Variants in FAM53A observed in about 807,000 individuals in gnomAD.
FAM53A encodes protein FAM53A.
In FAM53A, 28 loss-of-function variants were observed where a neutral mutation model predicts 26.6. That is an observed-to-expected ratio of 1.05 (90% CI 0.78 to 1.45). The LOEUF is 1.45. Ranked by LOEUF, FAM53A falls within the 40% of genes most tolerant of loss-of-function variation. The pLI, the probability that FAM53A is intolerant of heterozygous loss-of-function variation, is 0.00. For synonymous variants in FAM53A, 290 were observed against 253.1 expected (o/e 1.15, Z -1.38); for missense variants, 650 against 575.8 (o/e 1.13, Z -1.32).
intron 4 of FAM53A, among the ~76,000 whole-genome samples, chr4:1,652,940 CCA>C (rs900158322): frequency 6.6e-5 from 10 of 150,384 alleles, no homozygotes; most frequent in Admixed American, 4.6e-4. Flanking sequence ...CACACCCCCA[CCA>C]CACACATACC....
the FAM53A span, among the ~76,000 whole-genome samples, chr4:1,609,846 C>T: frequency 0.13 from 19,196 of 151,892 alleles, 1,594 homozygotes; most frequent in African/African-American, 0.23. Context: ...GCCTGTAATC[C>T]CAGCTACTCG....
chr4:1,591,261 C>T, the FAM53A span, among the ~76,000 whole-genome samples: 1 of 151,954 alleles, frequency 6.6e-6, no homozygotes, highest in African/African-American at 2.4e-5. Flanking sequence ...ACCTGTGAGT[C>T]TCTACTTTCA....
chr4:1,684,122 C>G (rs1469264102), intron 1 of FAM53A, 111 bp downstream of exon 1: 1 of 151,930 alleles, frequency 6.6e-6, no homozygotes, highest in Non-Finnish European at 1.5e-5. Flanking sequence ...CGCCCACGAC[C>G]GCCCGCGCCC....
the FAM53A span, among the ~76,000 whole-genome samples, chr4:1,609,094 G>A: frequency 2.6e-5 from 4 of 152,104 alleles, no homozygotes; most frequent in African/African-American, 9.7e-5. Context: ...CCTGGCTCCT[G>A]CTCAGGAGCC....
chr4:1,668,092 G>T (rs1339932601), intron 2 of FAM53A, among the ~76,000 whole-genome samples: 2 of 152,082 alleles, frequency 1.3e-5, no homozygotes, highest in Non-Finnish European at 2.9e-5. Flanking sequence ...TCCAGCTTCT[G>T]TGTGTAAGTC....
intron 1 of FAM53A, among the ~76,000 whole-genome samples, chr4:1,670,177 G>C (rs887254541): frequency 6.6e-6 from 1 of 152,244 alleles, no homozygotes; most frequent in Non-Finnish European, 1.5e-5. Context: ...AAGTAAAAGG[G>C]CAAAGGAGAC....
intron 2 of FAM53A, among the ~76,000 whole-genome samples, chr4:1,665,819 G>A (rs1714180260): frequency 6.6e-6 from 1 of 152,118 alleles, no homozygotes; most frequent in African/African-American, 2.4e-5. Context: ...TCCACAAAGA[G>A]ATGAAGAATG....
intron 3 of FAM53A, among the ~76,000 whole-genome samples, chr4:1,656,254 G>C (rs1042107298): frequency 2.0e-5 from 3 of 152,174 alleles, no homozygotes; most frequent in African/African-American, 4.8e-5. Flanking sequence ...TCCAGGCCTG[G>C]AGCCCCTTCC....
At chr4:1,664,149 G>C (rs566630346) in intron 2 of FAM53A, among the ~76,000 whole-genome samples, 3 of 152,306 alleles carry the variant, frequency 2.0e-5, no homozygotes, top group Admixed American at 6.5e-5. Flanking sequence ...ATGCTGACCG[G>C]ATAGAGATAT....
chr4:1,662,465 G>A (rs1577135820), intron 2 of FAM53A, among the ~76,000 whole-genome samples: 1 of 135,116 alleles, frequency 7.4e-6, no homozygotes, highest in African/African-American at 2.8e-5. Flanking sequence ...AGCAACAAGG[G>A]CAAGATTCCA....
chr4:1,657,413 A>G lies in FAM53A; in HGVS notation c.131T>C (p.Leu44Pro). 6.2e-7 allele frequency: 1 copy of G among 1,613,486 alleles called. No individual in the cohort carries two copies. The highest frequency in any genetic ancestry group is 8.5e-7 in the Non-Finnish European group (1 of 1,179,686). ...ACAGCTCCTAAAGTGCTCACCGTTG[A>G]GCTCCAAAGGGAACAGACGACCGCT... ...NKSGRLFPLELNDQSPWKVFS... is the reference protein window; with the variant it reads ...NKSGRLFPLEPNDQSPWKVFS... The change falls in exon 3 of 5, where the codon CTC becomes CCC. Residue 44 changes from leucine to proline, a missense_variant. Coordinates refer to ENST00000308132, the MANE Select transcript of FAM53A (RefSeq NM_001174070.3).
the FAM53A span, among the ~76,000 whole-genome samples, chr4:1,576,907 G>T: frequency 6.6e-6 from 1 of 152,210 alleles, no homozygotes; most frequent in Non-Finnish European, 1.5e-5. Flanking sequence ...GAGGGGGTAA[G>T]ACAGAACGAG....
At chr4:1,606,842 C>A in the FAM53A span, among the ~76,000 whole-genome samples, 2 of 152,234 alleles carry the variant, frequency 1.3e-5, no homozygotes, top group African/African-American at 2.4e-5. Context: ...CTGCTTTCCA[C>A]TCCCTTGGGC....
chr4:1,585,984 G>A, the FAM53A span, among the ~76,000 whole-genome samples: 2 of 152,198 alleles, frequency 1.3e-5, no homozygotes, highest in African/African-American at 4.8e-5. Flanking sequence ...CAATCCTCCC[G>A]CCTCAGCCTC....
intron 1 of FAM53A, among the ~76,000 whole-genome samples, chr4:1,682,321 G>A (rs890182505): frequency 2.1e-5 from 3 of 141,146 alleles, no homozygotes; most frequent in Non-Finnish European, 4.5e-5. Flanking sequence ...GGCGTGCAGT[G>A]GCGCCATCTT....
At chr4:1,586,246 T>C in the FAM53A span, among the ~76,000 whole-genome samples, 5 of 151,890 alleles carry the variant, frequency 3.3e-5, no homozygotes, top group Admixed American at 6.6e-5. Context: ...CAGGCTGGAG[T>C]GCAGTGGCGC....
chr4:1,641,098 A>C lies in FAM53A; in HGVS notation c.*195T>G. The C allele has an allele frequency of 1.7e-6, 1 of 587,978 alleles. No homozygotes were observed. Among genetic ancestry groups the C allele is most frequent in the Non-Finnish European group, 2.9e-6 (1 of 341,908 alleles). The allele number at this position is 587,978 out of a possible 1,614,324, so 36.4% of individuals were successfully genotyped here. A position where few individuals can be genotyped will look rare whatever the true frequency, so the allele number is the denominator to read the frequency against. On this transcript the variant is annotated 3_prime_UTR_variant, in exon 5 of 5. Coordinates refer to ENST00000308132, the MANE Select transcript of FAM53A (RefSeq NM_001174070.3). ...GCCGGCGGCAGCCGTGGCCCCGACC[A>C]GCTCACAGGAAACCTACTCTGTGCC...
At chr4:1,590,181 CT>C in the FAM53A span, among the ~76,000 whole-genome samples, 3 of 151,908 alleles carry the variant, frequency 2.0e-5, no homozygotes, top group African/African-American at 7.3e-5. Context: ...CTGGACTTTC[CT>C]TTTTTTTACA....
chr4:1,596,234 A>G, the FAM53A span, among the ~76,000 whole-genome samples: 2 of 152,254 alleles, frequency 1.3e-5, no homozygotes, highest in African/African-American at 4.8e-5. Context: ...CTCGCAGCAC[A>G]GGGCCAGGCT....
Sources: allele counts gnomAD v4.1 joint callset (sites outside exome capture counted in the v4.1 genomes callset), GRCh38; gene constraint gnomAD v4.1.1; transcripts MANE v1.5; gene names NCBI Gene and HGNC (gene_info 2026-07-23, HGNC 2026-07-21).